The following SARM1 variants were observed in gnomAD, a reference collection of about 807,000 sequenced individuals.
SARM1 encodes the protein sterile alpha and TIR motif containing 1.
In SARM1, 60 loss-of-function variants were observed where a neutral mutation model predicts 65.1. The observed-to-expected ratio is 0.92, with a 90% CI of 0.75 to 1.14. SARM1 has a LOEUF of 1.14. Among genes scored for constraint, SARM1 ranks in the 50% most tolerant of loss-of-function variants. SARM1 has a pLI of 0.00. For synonymous variants in SARM1, 417 were observed against 465.4 expected, an observed-to-expected ratio of 0.90 and a Z score of 1.34; for missense variants, 913 against 1,015.7, an observed-to-expected ratio of 0.90 and a Z score of 1.37.
chr17:28,376,626 T>C (rs1555584660), intron 1 of SARM1, among the ~76,000 whole-genome samples: 1 of 151,966 alleles, frequency 6.6e-6, no homozygotes, highest in African/African-American at 2.4e-5. Flanking sequence ...TTCCTTCTTA[T>C]CTTTTGTTTT....
Position 28,401,536 on chromosome 17 carries a change from A to G in SARM1, c.*5250A>G, listed in dbSNP as rs2068197329. On this transcript the variant is annotated 3_prime_UTR_variant, in exon 9 of 9. Coordinates refer to ENST00000585482, the MANE Select transcript of SARM1 (RefSeq NM_015077.4). ...TTTCCAGACTGGGGCATAAAGACCC[A>G]GAGGCTGGAGAAGCTGTTCTTTATA... The G allele has an allele frequency of 6.6e-6, 1 of 152,422 alleles. No individual in the cohort carries two copies. The highest frequency in any genetic ancestry group is 2.4e-5 in the African/African-American group (1 of 41,470). The allele number at this position is 152,422 out of a possible 1,614,324, so 9.4% of individuals were successfully genotyped here.
Position 28,381,505 on chromosome 17 carries a change from C to T in SARM1, c.773C>T (p.Ala258Val). 6.4e-7 allele frequency: 1 copy of T among 1,561,802 alleles called. No homozygotes were observed. The highest frequency in any genetic ancestry group is 8.7e-7 in the Non-Finnish European group (1 of 1,153,922). ...KRAAEWLFPL[A>V]FSKEDELLRL... Reference sequence around the variant, plus strand: ...GCAGCCGAGTGGCTCTTCCCGCTCGCCTTCTCCAAGGAGGACGAGCTGCTT... The same window carrying T: ...GCAGCCGAGTGGCTCTTCCCGCTCGTCTTCTCCAAGGAGGACGAGCTGCTT... Residue 258 changes from alanine to valine, a missense_variant, in exon 2 of 9, where the codon GCC (alanine) becomes GTC (valine). This residue lies in a region of SARM1 where 862 missense variants were observed against 952.1 expected (regional missense o/e 0.91). Transcript: ENST00000585482.
Position 28,372,195 on chromosome 17 carries a change from C to A in SARM1, c.163C>A (p.Pro55Thr). The A allele has an allele frequency of 7.3e-7, 1 of 1,366,984 alleles. No homozygotes were observed. The highest frequency in any genetic ancestry group is 9.4e-7 in the Non-Finnish European group (1 of 1,069,448). 84.7% of individuals were successfully genotyped at this position (1,366,984 alleles called of 1,614,324 possible). The part of the protein sequence containing the change: ...AGGRGPREVS[P>T]GAGTEVQDAL... The stretch of plus-strand genomic sequence containing the variant: ...TGGCCGCGGGCCCCGCGAAGTGTCG[C>A]CGGGGGCAGGCACCGAGGTGCAGGA... The change falls in exon 1 of 9, where the codon CCG (proline) becomes ACG (threonine). Residue 55 changes from proline (P) to threonine (T), a missense_variant. Pro to Thr is a conservative substitution (Grantham distance 38). This residue lies in a region of SARM1 where 862 missense variants were observed against 952.1 expected (regional missense o/e 0.91). Transcript: ENST00000585482. This position sits in a 1 kb window ranked among gnomAD's most constrained non-coding sequence, Gnocchi z 5.2.
At chr17:28,395,627 G>A (rs2068111758) in intron 7 of SARM1, 1 of 360,320 alleles carries the variant, frequency 2.8e-6, no homozygotes, top group Non-Finnish European at 5.1e-6. Flanking sequence ...GCACCCCCCG[G>A]GCCCCCAGTG....
In SARM1 at chr17:28,403,241, TATGTCATTACAG is replaced by T. The variant is rs2068218290; in HGVS notation, c.*6956_*6967del. 6.6e-6 allele frequency: 1 copy of T among 152,268 alleles called. No individual in the cohort carries two copies. Among genetic ancestry groups the T allele is most frequent in the African/African-American group, 2.4e-5 (1 of 41,452 alleles). 9.4% of individuals were successfully genotyped at this position (152,268 alleles called of 1,614,324 possible). On this transcript the variant is annotated 3_prime_UTR_variant, in exon 9 of 9. Coordinates refer to ENST00000585482, the MANE Select transcript of SARM1 (RefSeq NM_015077.4). ...TTGTGTTAAGCCCCCAAGTTTGTGG[TATGTCATTACAG>T]CAATCTCAGGGAACCAATACATGAG...
intron 2 of SARM1, among the ~76,000 whole-genome samples, chr17:28,383,190 A>G (rs1319941545): frequency 1.3e-5 from 2 of 152,176 alleles, no homozygotes; most frequent in Admixed American, 6.5e-5. Flanking sequence ...CCTGGACAAC[A>G]TGGTGAAACT....
chr17:28,394,783 C>G (rs143365131), intron 7 of SARM1: 1 of 152,318 alleles, frequency 6.6e-6, no homozygotes, highest in Non-Finnish European at 1.5e-5. Flanking sequence ...ATGGGGTGAG[C>G]ATTCCAAACT....
At chr17:28,390,411 G>GA (rs1421637428) in intron 7 of SARM1, among the ~76,000 whole-genome samples, 8 of 151,560 alleles carry the variant, frequency 5.3e-5, no homozygotes, top group Non-Finnish European at 7.4e-5. Flanking sequence ...GAAAGAAAAA[G>GA]AAAAAAATGG....
At chr17:28,392,345 T>A (rs2068085061) in intron 7 of SARM1, among the ~76,000 whole-genome samples, 1 of 152,064 alleles carries the variant, frequency 6.6e-6, no homozygotes, top group South Asian at 2.1e-4. Context: ...CTCGATCTCC[T>A]GACCTCGTGA....
Position 28,381,667 on chromosome 17 carries a change from T to A in SARM1, c.935T>A (p.Leu312Gln). Residue 312 changes from leucine (L) to glutamine (Q), a missense_variant, in exon 2 of 9, where the codon CTG (leucine) becomes CAG (glutamine). Physicochemically the swap from Leu to Gln is moderately radical, Grantham distance 113. Transcript: ENST00000585482. ...SLDPGRFARCLVDASDTSQGR... is the reference protein window; with the variant it reads ...SLDPGRFARCQVDASDTSQGR... ...GACCCTGGCCGCTTCGCCCGCTGTC[T>A]GGTGGACGCCAGCGACACAAGCCAG... is the stretch of plus-strand genomic sequence containing the variant. The A allele has an allele frequency of 3.8e-6, 6 of 1,558,448 alleles. No individual in the cohort carries two copies. The highest frequency in any genetic ancestry group is 5.2e-6 in the Non-Finnish European group (6 of 1,152,932).
At chr17:28,374,184 G>A (rs1389797337) in intron 1 of SARM1, 3 of 150,800 alleles carry the variant, frequency 2.0e-5, no homozygotes, top group African/African-American at 7.3e-5. Context: ...GACTGAGGTG[G>A]AAGAATCGCA....
At chr17:28,377,079 C>T (rs1555584713) in intron 1 of SARM1, among the ~76,000 whole-genome samples, 2 of 152,178 alleles carry the variant, frequency 1.3e-5, no homozygotes, top group Non-Finnish European at 2.9e-5. Context: ...CGTGAGCTAC[C>T]GCACCTGGCC....
intron 2 of SARM1, among the ~76,000 whole-genome samples, chr17:28,382,685 T>C (rs1284425288): frequency 3.3e-5 from 5 of 152,194 alleles, no homozygotes; most frequent in Non-Finnish European, 7.3e-5. Flanking sequence ...GTTCTTACCC[T>C]AGATGTGGGA....
chr17:28,399,897 CTTT>C lies in SARM1; in HGVS notation c.*3621_*3623del. ...CCAGGGACATGGCTCTGGAAAATAA[CTTT>C]TTTTTTTTTAAGAGACAGGGTCTTG... On this transcript the variant is annotated 3_prime_UTR_variant, in exon 9 of 9. Transcript: ENST00000585482. The C allele has an allele frequency of 2.0e-6, 1 of 506,820 alleles. No individual in the cohort carries two copies. The highest frequency in any genetic ancestry group is 3.2e-5 in the Admixed American group (1 of 31,060). 31.4% of individuals were successfully genotyped at this position (506,820 alleles called of 1,614,324 possible). A position where few individuals can be genotyped will look rare whatever the true frequency, so the allele number is the denominator to read the frequency against.
chr17:28,372,251 G>T lies in SARM1; in HGVS notation c.219G>T (p.Gln73His). The change falls in exon 1 of 9, where the codon CAG becomes CAT. Residue 73 changes from glutamine to histidine, a missense_variant. Physicochemically the swap from Gln to His is conservative, Grantham distance 24. Around this residue, in one of 3 missense-constraint regions of SARM1, gnomAD observed 862 missense variants for 952.1 expected, o/e 0.91. Coordinates refer to ENST00000585482, the MANE Select transcript of SARM1 (RefSeq NM_015077.4). This position sits in a 1 kb window ranked among gnomAD's most constrained non-coding sequence, Gnocchi z 5.2. ...DALERALPEL[Q>H]QALSALKQAG... is the part of the protein sequence containing the mutation. ...TGGAGCGCGCGCTGCCGGAGCTGCA[G>T]CAGGCCTTGTCCGCGCTGAAGCAGG... is the stretch of plus-strand genomic sequence containing the variant. The T allele has an allele frequency of 7.2e-7, 1 of 1,392,028 alleles. No homozygotes were observed. The highest frequency in any genetic ancestry group is 9.2e-7 in the Non-Finnish European group (1 of 1,083,768). 86.2% of individuals were successfully genotyped at this position (1,392,028 alleles called of 1,614,324 possible). A position where few individuals can be genotyped will look rare whatever the true frequency, so the allele number is the denominator to read the frequency against.
At chr17:28,386,083 C>T (rs541268399) in intron 5 of SARM1, among the ~76,000 whole-genome samples, 1 of 152,246 alleles carries the variant, frequency 6.6e-6, no homozygotes, top group South Asian at 2.1e-4. Flanking sequence ...CGCTCAAGTC[C>T]AGGAGTTTGA....
chr17:28,391,842 A>G (rs1422122939), intron 7 of SARM1, among the ~76,000 whole-genome samples: 3 of 150,964 alleles, frequency 2.0e-5, no homozygotes, highest in Non-Finnish European at 4.4e-5. Context: ...AGAGCCATAC[A>G]TATCTAGTAG....
At chr17:28,375,568 A>G (rs1195414414) in intron 1 of SARM1, among the ~76,000 whole-genome samples, 1 of 151,462 alleles carries the variant, frequency 6.6e-6, no homozygotes, top group Non-Finnish European at 1.5e-5. Context: ...GCTGCACTCC[A>G]GCCTGGGCAA....
intron 7 of SARM1, 192 bp from the exon 8 acceptor site, chr17:28,395,713 A>C: frequency 5.1e-6 from 3 of 593,464 alleles, no homozygotes; most frequent in East Asian, 2.9e-5. Context: ...CTGTGCCAGG[A>C]ACTCTGGGCA....
Sources: allele counts gnomAD v4.1 joint callset (sites outside exome capture counted in the v4.1 genomes callset), GRCh38; gene constraint gnomAD v4.1.1; regional missense constraint gnomAD v4.1.1; non-coding constraint Gnocchi (gnomAD v3.1); transcripts MANE v1.5; gene names NCBI Gene and HGNC (gene_info 2026-07-23, HGNC 2026-07-21).